CNTN4: variants seen among roughly 807,000 people sequenced by gnomAD.
CNTN4 encodes contactin-4.
Under a neutral mutation model 122.5 loss-of-function variants are expected in CNTN4, and 77 were observed. The ratio of observed to expected loss-of-function variants is 0.63; its 90% CI spans 0.52 to 0.76. The LOEUF is 0.76. CNTN4 is among the 30% of genes least tolerant of loss of function. The pLI is 0.00. For synonymous variants in CNTN4, 512 were observed against 447.0 expected, an observed-to-expected ratio of 1.15 and a Z score of -1.83; for missense variants, 1,256 against 1,259.1, an observed-to-expected ratio of 1.00 and a Z score of 0.04.
rs75316261 is a variant in CNTN4, at chr3:2,642,980, A to G, written c.55+71422A>G. Among the ~76,000 whole-genome samples the G allele has an allele frequency of 4.4e-3, 667 of 152,310 alleles. 4 individuals carry two copies. The highest frequency in any genetic ancestry group is 0.015 in the African/African-American group (632 of 41,562). ...ACAGGGCAGTGGGGATGGTAATAAA[A>G]TATACCTCATAGGGCAGATGTAAGG... On this transcript the variant is annotated intron_variant, in intron 4 of 24. Coordinates refer to ENST00000418658, the MANE Select transcript of CNTN4 (RefSeq NM_175607.3).
chr3:2,904,690 T>C (rs2151166012), intron 12 of CNTN4, among the ~76,000 whole-genome samples: 1 of 152,358 alleles, frequency 6.6e-6, no homozygotes, highest in South Asian at 2.1e-4. Context: ...TACTTGGAAC[T>C]GAGTCTTTTG....
chr3:2,561,330 A>C (rs543076201), intron 3 of CNTN4, among the ~76,000 whole-genome samples: 3 of 152,288 alleles, frequency 2.0e-5, no homozygotes, highest in African/African-American at 7.2e-5. Context: ...GATTGCTAAG[A>C]AATCCTTCTT....
At chr3:2,141,299 C>G (rs961161255) in intron 2 of CNTN4, among the ~76,000 whole-genome samples, 1 of 152,024 alleles carries the variant, frequency 6.6e-6, no homozygotes. Context: ...CCTAGTGGAC[C>G]TAATATTTTA....
At chr3:2,207,165 A>G (rs901086520) in intron 2 of CNTN4, among the ~76,000 whole-genome samples, 1 of 152,042 alleles carries the variant, frequency 6.6e-6, no homozygotes, top group African/African-American at 2.4e-5. Context: ...TACTGCAGCT[A>G]CCAGCCGTTC....
chr3:2,582,860 G>C (rs1012152905), intron 4 of CNTN4, among the ~76,000 whole-genome samples: 22 of 150,152 alleles, frequency 1.5e-4, no homozygotes, highest in African/African-American at 5.2e-4. Flanking sequence ...CCCCCTACCT[G>C]AGGGTTATGT....
At chr3:2,474,525 T>G (rs1575713702) in intron 3 of CNTN4, among the ~76,000 whole-genome samples, 1 of 152,164 alleles carries the variant, frequency 6.6e-6, no homozygotes, top group East Asian at 1.9e-4. Flanking sequence ...CTAAGGAATG[T>G]GTAAGTTATG....
At chr3:2,840,482 C>T (rs181273254) in intron 7 of CNTN4, among the ~76,000 whole-genome samples, 2,467 of 145,196 alleles carry the variant, frequency 0.017, 85 homozygotes, top group African/African-American at 0.058. Flanking sequence ...GGGCGGATCA[C>T]GAGGTCAGGA....
chr3:2,229,607 T>C (rs779439263), intron 2 of CNTN4, among the ~76,000 whole-genome samples: 1 of 152,124 alleles, frequency 6.6e-6, no homozygotes, highest in African/African-American at 2.4e-5. Context: ...CTAGATAATA[T>C]CTTGAGGGCA....
intron 3 of CNTN4, among the ~76,000 whole-genome samples, chr3:2,507,896 C>T (rs1002820030): frequency 6.6e-6 from 1 of 151,942 alleles, no homozygotes; most frequent in African/African-American, 2.4e-5. Context: ...CACACACACA[C>T]CCCCTCAAAT....
At chr3:2,168,004 G>A (rs1240737562) in intron 2 of CNTN4, among the ~76,000 whole-genome samples, 1 of 152,104 alleles carries the variant, frequency 6.6e-6, no homozygotes, top group Non-Finnish European at 1.5e-5. Context: ...GCTGGGCATG[G>A]TGTTGTGTGC....
At chr3:2,966,240 A>AT (rs937734571) in intron 13 of CNTN4, among the ~76,000 whole-genome samples, 7 of 151,456 alleles carry the variant, frequency 4.6e-5, no homozygotes, top group African/African-American at 9.7e-5. Context: ...AGTTAACTTT[A>AT]TTTTTTTTTA....
chr3:2,554,506 C>A (rs1432695923), intron 3 of CNTN4, among the ~76,000 whole-genome samples: 3 of 151,648 alleles, frequency 2.0e-5, no homozygotes, highest in African/African-American at 7.3e-5. Context: ...TTTGTTATAC[C>A]CAGAGAAGAC....
intron 3 of CNTN4, among the ~76,000 whole-genome samples, chr3:2,442,282 T>C (rs2048468068): frequency 6.6e-6 from 1 of 152,176 alleles, no homozygotes; most frequent in African/African-American, 2.4e-5. Flanking sequence ...ATTAGCATTT[T>C]ACAATTGTCT....
At chr3:2,824,357 T>C (rs908611817) in intron 7 of CNTN4, among the ~76,000 whole-genome samples, 5 of 151,918 alleles carry the variant, frequency 3.3e-5, no homozygotes, top group African/African-American at 1.2e-4. Context: ...CTTGGGAGGC[T>C]GAGACAGGAG....
chr3:2,111,055 A>G (rs1392455561), intron 2 of CNTN4, among the ~76,000 whole-genome samples: 5 of 152,024 alleles, frequency 3.3e-5, no homozygotes, highest in East Asian at 3.9e-4. Flanking sequence ...TTTCTTTTCT[A>G]TTTTTTTCCA....
chr3:2,579,188 C>CTGAT (rs2079826622), intron 4 of CNTN4, among the ~76,000 whole-genome samples: 1 of 152,200 alleles, frequency 6.6e-6, no homozygotes, highest in Non-Finnish European at 1.5e-5. Context: ...AACTCCCTTA[C>CTGAT]TGATAGAGTC....
chr3:2,453,086 A>G (rs984667188), intron 3 of CNTN4, among the ~76,000 whole-genome samples: 3 of 152,118 alleles, frequency 2.0e-5, no homozygotes, highest in Non-Finnish European at 2.9e-5. Context: ...GTAAGATTTG[A>G]TATGTTTTGA....
At chr3:2,970,021 AT>A (rs1315901569) in intron 13 of CNTN4, among the ~76,000 whole-genome samples, 1 of 152,208 alleles carries the variant, frequency 6.6e-6, no homozygotes, top group Non-Finnish European at 1.5e-5. Flanking sequence ...ACAGAAAGAA[AT>A]TCACATATAA....
intron 6 of CNTN4, among the ~76,000 whole-genome samples, chr3:2,754,167 C>T (rs1477368357): frequency 6.6e-6 from 1 of 152,020 alleles, no homozygotes; most frequent in Admixed American, 6.6e-5. Flanking sequence ...GAAGAGCTTC[C>T]CAGAGAATAA....
Sources: gnomAD v4.1 joint callset for allele counts (sites outside exome capture counted in the v4.1 genomes callset) on GRCh38, gnomAD v4.1.1 for gene constraint, MANE v1.5 for transcripts, NCBI Gene and HGNC (gene_info 2026-07-23, HGNC 2026-07-21) for gene names.